AFG2A: variants seen among roughly 807,000 people sequenced by gnomAD.
AFG2A encodes ATPase family gene 2 protein homolog A.
the AFG2A span, among the ~76,000 whole-genome samples, chr4:123,015,786 C>G: frequency 8.4e-4 from 115 of 136,432 alleles, 1 homozygote; most frequent in Non-Finnish European, 1.5e-3. Context: ...CCTCACCTCC[C>G]GGACCGGGCG....
the AFG2A span, among the ~76,000 whole-genome samples, chr4:123,220,987 C>A: frequency 6.6e-6 from 1 of 152,214 alleles, no homozygotes; most frequent in Admixed American, 6.5e-5. Context: ...TATGTAGTAT[C>A]CTATGTAGTG....
At chr4:123,014,012 A>G in the AFG2A span, among the ~76,000 whole-genome samples, 2 of 152,212 alleles carry the variant, frequency 1.3e-5, no homozygotes, top group East Asian at 3.8e-4. Flanking sequence ...TTGGTTATGT[A>G]GTATTCCATA....
the AFG2A span, among the ~76,000 whole-genome samples, chr4:123,167,114 T>A: frequency 2.6e-5 from 4 of 151,156 alleles, no homozygotes; most frequent in Non-Finnish European, 4.4e-5. Context: ...TAGGAACTCA[T>A]AATAAGATGA....
chr4:123,091,980 CTA>C, the AFG2A span, among the ~76,000 whole-genome samples: 2 of 152,096 alleles, frequency 1.3e-5, no homozygotes, highest in East Asian at 3.9e-4. Context: ...TTGAATGTAA[CTA>C]TTATGTGGCA....
chr4:123,112,505 T>A, the AFG2A span, among the ~76,000 whole-genome samples: 5 of 152,206 alleles, frequency 3.3e-5, no homozygotes, highest in African/African-American at 1.2e-4. Flanking sequence ...ATAGTCAGTA[T>A]TTTTAACATA....
the AFG2A span, chr4:122,947,621 A>G: frequency 5.2e-6 from 6 of 1,155,120 alleles, no homozygotes; most frequent in Non-Finnish European, 6.8e-6. Flanking sequence ...TGTAATTTTT[A>G]TTTGAAAAAA....
the AFG2A span, among the ~76,000 whole-genome samples, chr4:123,161,410 G>A: frequency 6.6e-6 from 1 of 152,196 alleles, no homozygotes; most frequent in African/African-American, 2.4e-5. Flanking sequence ...GGGTGACTAA[G>A]TGATAATAAT....
At chr4:123,289,685 C>CTGTTTT in the AFG2A span, among the ~76,000 whole-genome samples, 1 of 152,028 alleles carries the variant, frequency 6.6e-6, no homozygotes, top group Admixed American at 6.6e-5. Flanking sequence ...TGTTGTTTTT[C>CTGTTTT]TGTTTTTGTT....
chr4:122,973,190 T>C, the AFG2A span, among the ~76,000 whole-genome samples: 1 of 152,188 alleles, frequency 6.6e-6, no homozygotes, highest in Non-Finnish European at 1.5e-5. Context: ...TATTTGATAG[T>C]AGATATAGGT....
chr4:123,007,045 T>G, the AFG2A span, among the ~76,000 whole-genome samples: 1 of 152,070 alleles, frequency 6.6e-6, no homozygotes. Flanking sequence ...ACATTGTAAA[T>G]TTTACCTTGT....
the AFG2A span, among the ~76,000 whole-genome samples, chr4:122,968,807 TCTC>T: frequency 2.8e-3 from 422 of 152,314 alleles, 3 homozygotes; most frequent in African/African-American, 9.7e-3. Context: ...TCCAGTTTCT[TCTC>T]GTGGGTGCTG....
At chr4:123,067,988 A>G in the AFG2A span, among the ~76,000 whole-genome samples, 4 of 152,142 alleles carry the variant, frequency 2.6e-5, no homozygotes, top group African/African-American at 4.8e-5. Flanking sequence ...CTGTGGTCCT[A>G]TATGTCTTTT....
chr4:122,951,373 C>T, the AFG2A span, among the ~76,000 whole-genome samples: 1 of 151,742 alleles, frequency 6.6e-6, no homozygotes, highest in Non-Finnish European at 1.5e-5. Flanking sequence ...CTTAGGGGTC[C>T]TGGAACCGAT....
chr4:122,955,269 C>T, the AFG2A span, among the ~76,000 whole-genome samples: 29 of 152,100 alleles, frequency 1.9e-4, no homozygotes, highest in Admixed American at 5.2e-4. Flanking sequence ...ACGTGGCAAC[C>T]CTCCTTTCTT....
chr4:123,105,252 C>T, the AFG2A span, among the ~76,000 whole-genome samples: 65 of 152,276 alleles, frequency 4.3e-4, no homozygotes, highest in South Asian at 1.4e-3. Context: ...TGGTTGACAG[C>T]ACATCTGTTT....
chr4:123,285,881 G>A, the AFG2A span, among the ~76,000 whole-genome samples: 3 of 152,134 alleles, frequency 2.0e-5, no homozygotes, highest in African/African-American at 4.8e-5. Flanking sequence ...GGATAGATTC[G>A]GTAACTTATG....
At chr4:123,271,557 TGCTGTG>T in the AFG2A span, among the ~76,000 whole-genome samples, 2 of 152,322 alleles carry the variant, frequency 1.3e-5, no homozygotes, top group Admixed American at 6.5e-5. Context: ...AAAGCCCCAT[TGCTGTG>T]GCTTGTTCGG....
At chr4:123,003,127 A>G in the AFG2A span, among the ~76,000 whole-genome samples, 1 of 152,222 alleles carries the variant, frequency 6.6e-6, no homozygotes, top group Non-Finnish European at 1.5e-5. Context: ...TTCTTCACGT[A>G]GTTCTCGAGC....
At chr4:123,105,605 G>A in the AFG2A span, among the ~76,000 whole-genome samples, 2 of 152,228 alleles carry the variant, frequency 1.3e-5, no homozygotes, top group African/African-American at 4.8e-5. Flanking sequence ...TATGGGAGGA[G>A]GTGAAAATAC....
Sources: allele counts gnomAD v4.1 joint callset (sites outside exome capture counted in the v4.1 genomes callset), GRCh38; gene constraint gnomAD v4.1.1; transcripts MANE v1.5; gene names NCBI Gene and HGNC (gene_info 2026-07-23, HGNC 2026-07-21).